ACTR3C: variants seen among roughly 807,000 people sequenced by gnomAD.
ACTR3C encodes actin-related protein 3C.
In ACTR3C, 18 loss-of-function variants were observed where a neutral mutation model predicts 26.3. The ratio of observed to expected loss-of-function variants is 0.68; its 90% CI spans 0.47 to 1.01. The LOEUF (loss-of-function observed/expected upper bound fraction) is 1.01. ACTR3C is among the 50% of genes least tolerant of loss of function. ACTR3C has a pLI of 0.00. For missense variants in ACTR3C, 184 were observed against 250.7 expected, an observed-to-expected ratio of 0.73 and a Z score of 1.80; for synonymous variants, 55 against 94.5, an observed-to-expected ratio of 0.58 and a Z score of 2.42.
the ACTR3C span, among the ~76,000 whole-genome samples, chr7:149,972,016 G>A: frequency 6.6e-6 from 1 of 152,056 alleles, no homozygotes; most frequent in South Asian, 2.1e-4. Context: ...TCATTTCCAG[G>A]TTCGGAACAC....
chr7:150,123,516 G>C, the ACTR3C span, among the ~76,000 whole-genome samples: 1 of 151,678 alleles, frequency 6.6e-6, no homozygotes, highest in African/African-American at 2.4e-5. Context: ...ACTTCCAGCA[G>C]CATCTCTTGC....
At chr7:150,041,267 C>T in the ACTR3C span, 1 of 151,010 alleles carries the variant, frequency 6.6e-6, no homozygotes, top group Non-Finnish European at 1.5e-5. Context: ...GATCCACAGT[C>T]TACAAAACCC....
the ACTR3C span, among the ~76,000 whole-genome samples, chr7:150,130,715 A>G: frequency 2.0e-5 from 3 of 152,230 alleles, no homozygotes; most frequent in Admixed American, 1.3e-4. Context: ...TTAGCTAAGA[A>G]CAGGAAACAA....
the ACTR3C span, among the ~76,000 whole-genome samples, chr7:149,940,615 C>T: frequency 2.6e-5 from 4 of 151,812 alleles, no homozygotes; most frequent in African/African-American, 4.8e-5. Flanking sequence ...TTGAGTCATC[C>T]AAAATGAACA....
At chr7:150,045,839 T>C in the ACTR3C span, among the ~76,000 whole-genome samples, 2 of 152,222 alleles carry the variant, frequency 1.3e-5, no homozygotes, top group African/African-American at 2.4e-5. Flanking sequence ...AGAAAAAAAC[T>C]GCACATTGTT....
At chr7:150,199,619 AAAAAAAAAATAAATAAAAAT>A in the ACTR3C span, among the ~76,000 whole-genome samples, 4 of 136,556 alleles carry the variant, frequency 2.9e-5, no homozygotes, top group Non-Finnish European at 4.5e-5. Flanking sequence ...ATAAATTTAA[AAAAAAAAAATAAATAAAAAT>A]AAAAAAAAAT....
intron 6 of ACTR3C, among the ~76,000 whole-genome samples, chr7:150,271,201 TA>T (rs1430844469): frequency 1.5e-5 from 2 of 136,408 alleles, no homozygotes; most frequent in Non-Finnish European, 3.0e-5. Context: ...TTTAAATTAT[TA>T]TTATACTTTA....
chr7:150,105,062 T>C, the ACTR3C span, among the ~76,000 whole-genome samples: 1 of 151,726 alleles, frequency 6.6e-6, no homozygotes, highest in Non-Finnish European at 1.5e-5. Flanking sequence ...TCACATTGCA[T>C]CTGCCTTCTT....
chr7:150,041,008 C>G, the ACTR3C span, among the ~76,000 whole-genome samples: 159 of 150,712 alleles, frequency 1.1e-3, 3 homozygotes, highest in Non-Finnish European at 1.6e-3. Context: ...TGTTTAGAGA[C>G]GTAGGCTACC....
chr7:150,286,446 T>C lies in ACTR3C; in HGVS notation c.392A>G (p.Asn131Ser), dbSNP rs922137339. The C allele has an allele frequency of 4.3e-6, 7 of 1,613,262 alleles. No homozygotes were observed. In the Admixed American group the frequency reaches 5.0e-5, roughly 12 times the overall value. Residue 131 changes from asparagine to serine, a missense_variant, in exon 5 of 8, where the codon AAT becomes AGT. By Grantham distance (46) the Asn-to-Ser change is conservative. Transcript: ENST00000683684. ...QKWIKQYTGINAINQKKFVID... is the reference protein window; with the variant it reads ...QKWIKQYTGISAINQKKFVID... ...AACAAACTTCTTCTGGTTGATCGCA[T>C]TGATACCCGTGTACTGTTTGATCCA...
the ACTR3C span, among the ~76,000 whole-genome samples, chr7:150,140,000 A>G: frequency 6.6e-6 from 1 of 152,000 alleles, no homozygotes; most frequent in African/African-American, 2.4e-5. Flanking sequence ...GCATGCACAC[A>G]CATTCACACA....
the ACTR3C span, among the ~76,000 whole-genome samples, chr7:150,194,407 CTTCT>C: frequency 2.2e-3 from 331 of 148,714 alleles, 3 homozygotes; most frequent in African/African-American, 7.7e-3. Context: ...ACTACTCCAG[CTTCT>C]TTGTGTTAAT....
At chr7:149,986,523 A>G in the ACTR3C span, among the ~76,000 whole-genome samples, 6 of 152,206 alleles carry the variant, frequency 3.9e-5, no homozygotes, top group South Asian at 6.2e-4. Context: ...GTTTCGTGTA[A>G]CACAACTCCT....
the ACTR3C span, among the ~76,000 whole-genome samples, chr7:150,214,219 C>T: frequency 7.2e-5 from 11 of 152,074 alleles, no homozygotes; most frequent in East Asian, 5.8e-4. Flanking sequence ...GGTCCAATTT[C>T]GAGAAGAAAA....
the ACTR3C span, among the ~76,000 whole-genome samples, chr7:150,040,005 CCAAGAGCCAGGCGGGGAAGAGGGG>C: frequency 2.8e-5 from 4 of 141,264 alleles, no homozygotes; most frequent in Non-Finnish European, 6.4e-5. Context: ...GATAGTGGTC[CCAAGAGCCAGGCGGGGAAGAGGGG>C]TTGGCTCTGA....
At chr7:150,167,327 A>AT in the ACTR3C span, among the ~76,000 whole-genome samples, 1 of 150,528 alleles carries the variant, frequency 6.6e-6, no homozygotes, top group East Asian at 1.9e-4. Flanking sequence ...CAGATATGCT[A>AT]TTTTTTGTCT....
chr7:150,088,344 G>A, the ACTR3C span, among the ~76,000 whole-genome samples: 17 of 152,204 alleles, frequency 1.1e-4, no homozygotes, highest in Non-Finnish European at 2.2e-4. Flanking sequence ...TGCATTAGAT[G>A]TAGGGCTATG....
At chr7:150,189,493 ATT>A in the ACTR3C span, among the ~76,000 whole-genome samples, 1 of 148,078 alleles carries the variant, frequency 6.8e-6, no homozygotes, top group Non-Finnish European at 1.5e-5. Context: ...AACTACCAAG[ATT>A]TTAATACAGA....
chr7:150,289,174 G>C (rs1836016943), intron 4 of ACTR3C, among the ~76,000 whole-genome samples: 1 of 152,162 alleles, frequency 6.6e-6, no homozygotes, highest in South Asian at 2.1e-4. Context: ...GGCTCCAGCA[G>C]TGAGGCTCCA....
Sources: allele counts gnomAD v4.1 joint callset (sites outside exome capture counted in the v4.1 genomes callset), GRCh38; gene constraint gnomAD v4.1.1; transcripts MANE v1.5; gene names NCBI Gene and HGNC (gene_info 2026-07-23, HGNC 2026-07-21).